The following MYO1E variants were observed in gnomAD, a reference collection of about 807,000 sequenced individuals.
The protein encoded by MYO1E is myosin IE.
In MYO1E, 68 loss-of-function variants were observed where a neutral mutation model predicts 151.1. The observed-to-expected ratio is 0.45, with a 90% CI of 0.37 to 0.55. MYO1E has a LOEUF of 0.55. MYO1E is among the 20% of genes least tolerant of loss of function. The pLI, the probability that MYO1E is intolerant of heterozygous loss-of-function variation, is 0.00. For synonymous variants in MYO1E, 601 were observed against 501.7 expected (o/e 1.20, Z -2.64); for missense variants, 1,363 against 1,389.3 (o/e 0.98, Z 0.30).
At chr15:59,157,286 A>G (rs1434470781) in intron 25 of MYO1E, among the ~76,000 whole-genome samples, 1 of 152,188 alleles carries the variant, frequency 6.6e-6, no homozygotes, top group African/African-American at 2.4e-5. Flanking sequence ...ATACTCTCAG[A>G]TATTACTTTG....
At chr15:59,149,758 TAAACTCAGAATGTGAAAGCCAGGAAAGAA>T (rs1373792480) in intron 26 of MYO1E, among the ~76,000 whole-genome samples, 1 of 152,186 alleles carries the variant, frequency 6.6e-6, no homozygotes, top group Admixed American at 6.5e-5. Context: ...GAAGGAAAGA[TAAACTCAGAATGTGAAAGCCAGGAAAGAA>T]AGACCATAGT....
chr15:59,207,329 A>G (rs1333603085), intron 14 of MYO1E: 1 of 1,614,102 alleles, frequency 6.2e-7, no homozygotes, highest in Non-Finnish European at 8.5e-7. Flanking sequence ...GTTTGTAGCA[A>G]AGATTACTTT....
At chr15:59,267,710 G>T (rs1168755889) in intron 2 of MYO1E, among the ~76,000 whole-genome samples, 1 of 152,206 alleles carries the variant, frequency 6.6e-6, no homozygotes, top group Non-Finnish European at 1.5e-5. Context: ...AGTGCTTTGC[G>T]CAGGAACTCT....
intron 22 of MYO1E, among the ~76,000 whole-genome samples, chr15:59,163,871 C>T (rs2079550823): frequency 6.6e-6 from 1 of 152,206 alleles, no homozygotes; most frequent in Admixed American, 6.5e-5. Flanking sequence ...CTAGAACGTA[C>T]AGACACATCC....
intron 17 of MYO1E, among the ~76,000 whole-genome samples, chr15:59,192,362 T>G (rs892732324): frequency 6.6e-6 from 1 of 151,868 alleles, no homozygotes. Flanking sequence ...CTGAATAAAA[T>G]GTACCACTCA....
Position 59,158,361 on chromosome 15 carries a change from G to A in MYO1E, c.2804C>T (p.Thr935Ile). 1 of 1,566,856 alleles carries A rather than the reference G, an allele frequency of 6.4e-7. No individual in the cohort carries two copies. The highest frequency in any genetic ancestry group is 8.7e-7 in the Non-Finnish European group (1 of 1,153,870). Residue 935 changes from threonine (T) to isoleucine (I), a missense_variant, in exon 25 of 28, where the codon ACT (threonine) becomes ATT (isoleucine). By Grantham distance (89) the Thr-to-Ile change is moderately conservative. Transcript: ENST00000288235. ...PKNSRPTRRN[T>I]TQNTGYSSGT... ...ACTGGAATAACCTGTATTTTGGGTA[G>A]TGTTCCTTCTGGTAGGACCTGAAAT...
chr15:59,227,417 G>A, intron 7 of MYO1E, 42 bp downstream of exon 7: 1 of 1,611,502 alleles, frequency 6.2e-7, no homozygotes, highest in Non-Finnish European at 8.5e-7. Flanking sequence ...TTAATGTAGA[G>A]AAGGGACAGG....
At chr15:59,368,850 T>C (rs1458599719) in intron 1 of MYO1E, among the ~76,000 whole-genome samples, 2 of 152,168 alleles carry the variant, frequency 1.3e-5, no homozygotes, top group Non-Finnish European at 2.9e-5. Context: ...TACTTCTCCA[T>C]CCCTCTCCAT....
chr15:59,371,918 T>G (rs2140448263), intron 1 of MYO1E, among the ~76,000 whole-genome samples: 1 of 150,718 alleles, frequency 6.6e-6, no homozygotes, highest in East Asian at 2.0e-4. Flanking sequence ...CCCGCCTGCC[T>G]TTGTGCGGCC....
intron 1 of MYO1E, among the ~76,000 whole-genome samples, chr15:59,353,857 CTG>C (rs1360870621): frequency 1.3e-5 from 2 of 152,090 alleles, no homozygotes; most frequent in African/African-American, 2.4e-5. Context: ...AATTTTTGTC[CTG>C]TTAAATATCA....
In MYO1E at chr15:59,159,399, C is replaced by G. The variant is rs1566966933; in HGVS notation, c.2786-1020G>C. Among the ~76,000 whole-genome samples, 2 of 152,242 alleles carry G rather than the reference C, an allele frequency of 1.3e-5. No individual in the cohort carries two copies. The highest frequency in any genetic ancestry group is 2.9e-5 in the Non-Finnish European group (2 of 68,042). ...GGCTCTGTGCCCTGGGGTCTGAGTCCTGTGGACAGCCAGGCCTCTGCCTTC... is the reference window on the plus strand; with the variant it reads ...GGCTCTGTGCCCTGGGGTCTGAGTCGTGTGGACAGCCAGGCCTCTGCCTTC... On this transcript the variant is annotated intron_variant, in intron 24 of 27. Transcript: ENST00000288235. The surrounding 1 kb of genome is among the most constrained non-coding windows in gnomAD (Gnocchi z 4.4).
At chr15:59,248,538 T>C in intron 4 of MYO1E, among the ~76,000 whole-genome samples, 1 of 148,044 alleles carries the variant, frequency 6.8e-6, no homozygotes, top group Non-Finnish European at 1.5e-5. Flanking sequence ...CCACTCTTCC[T>C]GATTTGTCTG....
chr15:59,270,072 G>C (rs1477439124), intron 2 of MYO1E, among the ~76,000 whole-genome samples: 1 of 152,096 alleles, frequency 6.6e-6, no homozygotes, highest in South Asian at 2.1e-4. Context: ...TGGTAAGTAA[G>C]ATTTTGTCTG....
chr15:59,331,722 C>A (rs1235815258), intron 1 of MYO1E, among the ~76,000 whole-genome samples: 1 of 152,236 alleles, frequency 6.6e-6, no homozygotes. Flanking sequence ...GTCAGTAGCA[C>A]ATCTTTAAAA....
rs986328003 is a variant in MYO1E at position 59,223,117 on chromosome 15, G to C, written c.852C>G (p.His284Gln). The change falls in exon 9 of 28, where the codon CAC becomes CAG. Residue 284 changes from histidine (H) to glutamine (Q), a missense_variant. Transcript: ENST00000288235. ...CTTCTTTGAAGCTGATGTTTCCCAGGTGGAGAATACCCGCCACTATCTGCA... is the reference window on the plus strand; with the variant it reads ...CTTCTTTGAAGCTGATGTTTCCCAGCTGGAGAATACCCGCCACTATCTGCA... ...LVLQIVAGILHLGNISFKEVG... is the reference protein window; with the variant it reads ...LVLQIVAGILQLGNISFKEVG... 6.2e-6 allele frequency: 10 copies of C among 1,613,768 alleles called. No homozygotes were observed. The highest frequency in any genetic ancestry group is 8.5e-6 in the Non-Finnish European group (10 of 1,180,002).
intron 1 of MYO1E, among the ~76,000 whole-genome samples, chr15:59,335,588 C>T (rs2080723338): frequency 6.6e-6 from 1 of 152,154 alleles, no homozygotes; most frequent in African/African-American, 2.4e-5. Flanking sequence ...GTACAAGAGA[C>T]CCGGCCAGGC....
Position 59,346,209 on chromosome 15 carries a change from A to G in MYO1E, c.3+26289T>C, listed in dbSNP as rs576891384. Among the ~76,000 whole-genome samples, 42 of 152,150 alleles carry G rather than the reference A, an allele frequency of 2.8e-4. No homozygotes were observed. In the South Asian group the frequency reaches 8.5e-3, roughly 31 times the overall value. ...TGACCTCAGGATGACGAGGTGCATC[A>G]CTGAACATCCAGCCCCCGACCAGGG... is the stretch of plus-strand genomic sequence containing the variant. On this transcript the variant is annotated intron_variant, in intron 1 of 27. Coordinates refer to ENST00000288235, the MANE Select transcript of MYO1E (RefSeq NM_004998.4).
chr15:59,201,593 A>T (rs2140333667), intron 16 of MYO1E, among the ~76,000 whole-genome samples: 1 of 152,106 alleles, frequency 6.6e-6, no homozygotes, highest in East Asian at 1.9e-4. Context: ...TAGTAGAGAC[A>T]GGGTTTCTCC....
chr15:59,154,388 C>G (rs1033260752), intron 25 of MYO1E, among the ~76,000 whole-genome samples: 6 of 152,206 alleles, frequency 3.9e-5, no homozygotes, highest in African/African-American at 1.2e-4. Flanking sequence ...CTCTCTCAGC[C>G]AAACAGCGAT....
Sources: allele counts gnomAD v4.1 joint callset (sites outside exome capture counted in the v4.1 genomes callset), GRCh38; gene constraint gnomAD v4.1.1; non-coding constraint Gnocchi (gnomAD v3.1); transcripts MANE v1.5; gene names NCBI Gene and HGNC (gene_info 2026-07-23, HGNC 2026-07-21).